PLD1: variants seen among roughly 807,000 people sequenced by gnomAD.
PLD1 encodes choline phosphatase 1.
A neutral mutation model predicts 137.1 loss-of-function variants in PLD1; 112 were observed. That is an observed-to-expected ratio of 0.82 (90% CI 0.70 to 0.96). The LOEUF is 0.96. Among genes scored for constraint, PLD1 ranks in the 40% least tolerant of loss-of-function variants. The pLI is 0.00. For synonymous variants in PLD1, 431 were observed against 454.7 expected, an observed-to-expected ratio of 0.95 and a Z score of 0.66; for missense variants, 1,321 against 1,342.0, an observed-to-expected ratio of 0.98 and a Z score of 0.24.
chr3:171,717,258 T>A (rs1300866710), intron 8 of PLD1, among the ~76,000 whole-genome samples: 1 of 152,200 alleles, frequency 6.6e-6, no homozygotes, highest in Non-Finnish European at 1.5e-5. Context: ...TTATTGGTAG[T>A]TTGGTGGGAA....
intron 1 of PLD1, among the ~76,000 whole-genome samples, chr3:171,745,858 C>T (rs538392644): frequency 6.6e-6 from 1 of 152,196 alleles, no homozygotes; most frequent in Non-Finnish European, 1.5e-5. Context: ...GAGGCCAGAG[C>T]CAACTCCTTC....
intron 1 of PLD1, among the ~76,000 whole-genome samples, chr3:171,804,322 T>A (rs1723759425): frequency 6.6e-6 from 1 of 152,220 alleles, no homozygotes; most frequent in Admixed American, 6.5e-5. Flanking sequence ...CCATTCTACA[T>A]CTACACATTT....
intron 3 of PLD1, 42 bp from the exon 4 acceptor site, chr3:171,735,679 C>T (rs1240025425): frequency 4.4e-6 from 5 of 1,142,532 alleles, no homozygotes; most frequent in Non-Finnish European, 6.5e-6. Context: ...TAGATAACAA[C>T]AAAAATTCCA....
At chr3:171,787,749 G>A (rs1421071622) in intron 1 of PLD1, among the ~76,000 whole-genome samples, 1 of 151,670 alleles carries the variant, frequency 6.6e-6, no homozygotes, top group Non-Finnish European at 1.5e-5. Flanking sequence ...GGAGCAGCAA[G>A]CATATTATCA....
At chr3:171,743,784 T>G (rs1215253357) in intron 1 of PLD1, among the ~76,000 whole-genome samples, 1 of 152,218 alleles carries the variant, frequency 6.6e-6, no homozygotes, top group Non-Finnish European at 1.5e-5. Flanking sequence ...GCTGATGCAC[T>G]GACACATCTG....
intron 1 of PLD1, among the ~76,000 whole-genome samples, chr3:171,778,075 A>G (rs1722650827): frequency 6.6e-6 from 1 of 152,184 alleles, no homozygotes; most frequent in African/African-American, 2.4e-5. Flanking sequence ...CTTACAAGAT[A>G]TTTAAATTAT....
At chr3:171,644,215 A>T (rs1008674054) in intron 22 of PLD1, among the ~76,000 whole-genome samples, 6 of 152,178 alleles carry the variant, frequency 3.9e-5, no homozygotes, top group African/African-American at 1.4e-4. Context: ...ACCCTGAGAG[A>T]AGGTCAGAGG....
rs566269863 is a variant in PLD1 at position 171,747,520 on chromosome 3, A to T, written c.-31-9438T>A. Among the ~76,000 whole-genome samples the T allele has an allele frequency of 4.1e-5, 6 of 147,830 alleles. No individual in the cohort carries two copies. In the East Asian group the frequency reaches 9.9e-4, roughly 24 times the overall value. On this transcript the variant is annotated intron_variant, in intron 1 of 26. Coordinates refer to ENST00000351298, the MANE Select transcript of PLD1 (RefSeq NM_002662.5). The stretch of plus-strand genomic sequence containing the variant: ...ATTATAACTACTCCCATTCAACCCT[A>T]CTATGCAACCTTAGAGGCTCTATAC...
At chr3:171,761,658 G>A (rs1456407174) in intron 1 of PLD1, among the ~76,000 whole-genome samples, 1 of 152,334 alleles carries the variant, frequency 6.6e-6, no homozygotes, top group East Asian at 1.9e-4. Context: ...GAGTGGGAAA[G>A]TATTAAGTCT....
At chr3:171,755,035 G>T (rs1720920600) in intron 1 of PLD1, among the ~76,000 whole-genome samples, 1 of 151,952 alleles carries the variant, frequency 6.6e-6, no homozygotes, top group South Asian at 2.1e-4. Flanking sequence ...CTCTTCATTT[G>T]CCCAAAAATC....
At chr3:171,683,583 AAACT>A (rs1445626546) in intron 16 of PLD1, among the ~76,000 whole-genome samples, 3 of 152,202 alleles carry the variant, frequency 2.0e-5, no homozygotes, top group Non-Finnish European at 2.9e-5. Flanking sequence ...TGTCAGCTGA[AAACT>A]AACCTCATGA....
chr3:171,757,055 C>T (rs1176089933), intron 1 of PLD1, among the ~76,000 whole-genome samples: 1 of 152,102 alleles, frequency 6.6e-6, no homozygotes, highest in Non-Finnish European at 1.5e-5. Flanking sequence ...AGGCAAAAAC[C>T]ATTTTTACAT....
At chr3:171,686,621 T>C in intron 16 of PLD1, 64 bp downstream of exon 16, 1 of 823,060 alleles carries the variant, frequency 1.2e-6, no homozygotes, top group Non-Finnish European at 2.0e-6. Flanking sequence ...ACTATGCCCA[T>C]GCAGCAGACA....
At chr3:171,706,071 A>T (rs973476995) in intron 11 of PLD1, among the ~76,000 whole-genome samples, 1 of 152,154 alleles carries the variant, frequency 6.6e-6, no homozygotes, top group South Asian at 2.1e-4. Context: ...CTTTTGGACC[A>T]TAAGCTGCAG....
At position 171,697,305 on chromosome 3, in the gene PLD1, C is replaced by T. The variant is rs545355205; in HGVS notation, c.1227+2440G>A. Among the ~76,000 whole-genome samples, 61 of 134,500 alleles carry T rather than the reference C, an allele frequency of 4.5e-4. 1 individual carries two copies. The highest frequency in any genetic ancestry group is 1.5e-3 in the African/African-American group (51 of 34,680). The allele number at this position is 134,500 out of a possible 152,430, so 88.2% of individuals were successfully genotyped here. ...TGTTGCCCAGGCTGGAGTGCAGTGG[C>T]ACAATCTCGACTCACTGCAAGCTCC... On this transcript the variant is annotated intron_variant, in intron 12 of 26. Transcript: ENST00000351298.
At chr3:171,616,202 T>A (rs991117455) in intron 24 of PLD1, among the ~76,000 whole-genome samples, 2 of 152,246 alleles carry the variant, frequency 1.3e-5, no homozygotes. Context: ...GTTCTTTATG[T>A]GTTCTGTGTA....
chr3:171,750,514 G>T (rs1225277018), intron 1 of PLD1, among the ~76,000 whole-genome samples: 6 of 152,166 alleles, frequency 3.9e-5, no homozygotes, highest in Middle Eastern at 3.4e-3. Flanking sequence ...CATTAAATTT[G>T]GTGAAAGAAA....
intron 21 of PLD1, among the ~76,000 whole-genome samples, chr3:171,646,674 A>AC (rs1180357729): frequency 7.5e-6 from 1 of 133,770 alleles, no homozygotes; most frequent in African/African-American, 3.1e-5. Flanking sequence ...AAAAGAACAG[A>AC]CAAAAAAAAA....
chr3:171,736,695 C>T (rs1455815312), intron 3 of PLD1, among the ~76,000 whole-genome samples: 3 of 152,154 alleles, frequency 2.0e-5, no homozygotes, highest in Non-Finnish European at 2.9e-5. Context: ...GAAGGCAAAG[C>T]ATGCCCTGAC....
Sources: allele counts gnomAD v4.1 joint callset (sites outside exome capture counted in the v4.1 genomes callset), GRCh38; gene constraint gnomAD v4.1.1; transcripts MANE v1.5; gene names NCBI Gene and HGNC (gene_info 2026-07-23, HGNC 2026-07-21).